RTCB: variants seen among roughly 807,000 people sequenced by gnomAD.
The protein encoded by RTCB is RNA-splicing ligase RTCB.
In RTCB, 32 loss-of-function variants were observed where a neutral mutation model predicts 58.2. That is an observed-to-expected ratio of 0.55 (90% CI 0.41 to 0.74). RTCB has a LOEUF of 0.74. Ranked by LOEUF, RTCB falls within the 30% of genes least tolerant of loss-of-function variation. The pLI, the probability that RTCB is intolerant of heterozygous loss-of-function variation, is 0.00. For synonymous variants in RTCB, 247 were observed against 218.6 expected, an observed-to-expected ratio of 1.13 and a Z score of -1.15; for missense variants, 523 against 639.0, an observed-to-expected ratio of 0.82 and a Z score of 1.96.
At chr22:32,388,805 A>G (rs1166338671) in intron 11 of RTCB, among the ~76,000 whole-genome samples, 2 of 151,782 alleles carry the variant, frequency 1.3e-5, no homozygotes, top group African/African-American at 4.8e-5. Flanking sequence ...TTTCTATCCC[A>G]TCTCCCATTC....
intron 1 of RTCB, among the ~76,000 whole-genome samples, chr22:32,409,738 T>C (rs895315929): frequency 6.6e-6 from 1 of 152,178 alleles, no homozygotes; most frequent in Non-Finnish European, 1.5e-5. Context: ...TGAAGCACTG[T>C]CCTGGGCACT....
intron 4 of RTCB, among the ~76,000 whole-genome samples, chr22:32,405,205 T>C (rs781553248): frequency 2.0e-5 from 3 of 152,216 alleles, no homozygotes; most frequent in Non-Finnish European, 4.4e-5. Context: ...TTCTAATGGA[T>C]GAGACATGTA....
chr22:32,400,850 T>G (rs1199633516), intron 5 of RTCB, among the ~76,000 whole-genome samples: 1 of 152,216 alleles, frequency 6.6e-6, no homozygotes, highest in Non-Finnish European at 1.5e-5. Flanking sequence ...ACTGAAGTAC[T>G]CTGCAAAGTT....
At chr22:32,397,154 A>T (rs1474115582) in intron 7 of RTCB, among the ~76,000 whole-genome samples, 1 of 152,152 alleles carries the variant, frequency 6.6e-6, no homozygotes, top group East Asian at 1.9e-4. Context: ...CTTCTTTAAA[A>T]GTTTCTTTTG....
rs1480747301 is a variant in RTCB, at chr22:32,401,917, A to G, written c.341-14T>C. The G allele has an allele frequency of 3.7e-6, 6 of 1,611,700 alleles. No individual in the cohort carries two copies. The highest frequency in any genetic ancestry group is 1.7e-5 in the Admixed American group (1 of 59,900). On this transcript the variant is annotated splice_polypyrimidine_tract_variant and intron_variant, in intron 4 of 11. Transcript: ENST00000216038. ...ACCCGACACCACCTACAAAATAGAG[A>G]AAAGTTAGCAAAACCAGCTGGTAAG...
In RTCB at chr22:32,393,951, C is replaced by T; in HGVS notation, c.1231G>A (p.Val411Ile). 6.2e-7 allele frequency: 1 copy of T among 1,614,170 alleles called. No individual in the cohort carries two copies. The highest frequency in any genetic ancestry group is 8.5e-7 in the Non-Finnish European group (1 of 1,180,014). Residue 411 changes from valine to isoleucine, a missense_variant, in exon 10 of 12, where the codon GTT (valine) becomes ATT (isoleucine). Val to Ile is a conservative substitution (Grantham distance 29). Coordinates refer to ENST00000216038, the MANE Select transcript of RTCB (RefSeq NM_014306.5). ...ATGCCCTGTTCAGTGCCAGTAAGAACATAACTACAGGTTCCCATGGTGCCA... is the reference window on the plus strand; with the variant it reads ...ATGCCCTGTTCAGTGCCAGTAAGAATATAACTACAGGTTCCCATGGTGCCA... ...IGGTMGTCSY[V>I]LTGTEQGMTE...
chr22:32,389,233 G>T lies in RTCB; in HGVS notation c.1411-1134C>A, dbSNP rs188114540. 2.6e-5 allele frequency among the ~76,000 whole-genome samples: 4 copies of T among 152,208 alleles called. No individual in the cohort carries two copies. In the East Asian group the frequency reaches 7.7e-4, roughly 29 times the overall value. ...ATGAAATTCCACTGGGCCAATGACTGTCTCTCCCCTAGATGAATATTTCAT... is the reference window on the plus strand; with the variant it reads ...ATGAAATTCCACTGGGCCAATGACTTTCTCTCCCCTAGATGAATATTTCAT... On this transcript the variant is annotated intron_variant, in intron 11 of 11. Coordinates refer to ENST00000216038, the MANE Select transcript of RTCB (RefSeq NM_014306.5).
intron 4 of RTCB, among the ~76,000 whole-genome samples, chr22:32,406,148 G>A (rs1014861052): frequency 6.6e-6 from 1 of 152,132 alleles, no homozygotes; most frequent in Non-Finnish European, 1.5e-5. Flanking sequence ...TTTGGTAGGA[G>A]CCTCCCAAAA....
In RTCB at chr22:32,387,922, G is replaced by T. The variant is rs896545515; in HGVS notation, c.*70C>A. On this transcript the variant is annotated 3_prime_UTR_variant, in exon 12 of 12. Transcript: ENST00000216038. Reference sequence around the variant, plus strand: ...TTGTCCCGCCTTGAGTCTGATGTCAGAAGAGCATGTCAGTCCACTTCCACT... The same window carrying T: ...TTGTCCCGCCTTGAGTCTGATGTCATAAGAGCATGTCAGTCCACTTCCACT... The T allele has an allele frequency of 1.9e-6, 2 of 1,029,366 alleles. No individual in the cohort carries two copies. Among genetic ancestry groups the T allele is most frequent in the Non-Finnish European group, 3.1e-6 (2 of 655,106 alleles). 63.8% of individuals were successfully genotyped at this position (1,029,366 alleles called of 1,614,324 possible). A position where few individuals can be genotyped will look rare whatever the true frequency, so the allele number is the denominator to read the frequency against.
intron 10 of RTCB, among the ~76,000 whole-genome samples, chr22:32,393,585 A>T (rs1933192656): frequency 6.6e-6 from 1 of 152,236 alleles, no homozygotes. Flanking sequence ...CATCAGTTAA[A>T]GTTCTATCAC....
intron 2 of RTCB, 134 bp from the exon 3 acceptor site, chr22:32,408,376 T>C (rs1933463754): frequency 1.4e-6 from 1 of 708,672 alleles, no homozygotes; most frequent in Non-Finnish European, 2.4e-6. Context: ...TAGAAGGATG[T>C]TTGAGATGCA....
intron 11 of RTCB, among the ~76,000 whole-genome samples, chr22:32,390,473 G>T (rs1377411459): frequency 3.3e-5 from 5 of 150,714 alleles, no homozygotes; most frequent in African/African-American, 1.2e-4. Flanking sequence ...TTTTGAGATG[G>T]AGTGTTGCTC....
rs755927372 is a variant in RTCB, at chr22:32,408,183, T to G, written c.232A>C (p.Ile78Leu). Residue 78 changes from isoleucine (I) to leucine (L), a missense_variant, in exon 3 of 12, where the codon ATT becomes CTT. Coordinates refer to ENST00000216038, the MANE Select transcript of RTCB (RefSeq NM_014306.5). ...QIGNVAALPG[I>L]VHRSIGLPDV... ...TCTGAACTCTGACTCACATGAACAA[T>G]TCCAGGCAGGGCTGCCACATTGCCA... The G allele has an allele frequency of 6.2e-7, 1 of 1,614,118 alleles. No homozygotes were observed. The highest frequency in any genetic ancestry group is 8.5e-7 in the Non-Finnish European group (1 of 1,179,962).
chr22:32,405,205 T>A (rs781553248), intron 4 of RTCB, among the ~76,000 whole-genome samples: 1 of 152,216 alleles, frequency 6.6e-6, no homozygotes, highest in Non-Finnish European at 1.5e-5. Flanking sequence ...TTCTAATGGA[T>A]GAGACATGTA....
At chr22:32,408,649 C>G in intron 2 of RTCB, 106 bp downstream of exon 2, 1 of 810,168 alleles carries the variant, frequency 1.2e-6, no homozygotes, top group Non-Finnish European at 2.1e-6. Flanking sequence ...AAGTTGTAAT[C>G]ACTCCTTGAC....
At chr22:32,392,504 T>G (rs1243149284) in intron 10 of RTCB, 145 bp from the exon 11 acceptor site, 1 of 1,052,028 alleles carries the variant, frequency 9.5e-7, no homozygotes, top group Non-Finnish European at 1.4e-6. Context: ...CCTCATCATA[T>G]CCTTTTAGAT....
Position 32,398,080 on chromosome 22 carries a change from G to A in RTCB, c.675C>T (p.Gly225=). ...GLPQLGTLGA[G]NHYAEIQVVD... ...CAACCTGGATTTCTGCATAATGGTT[G>A]CCTGCTCCCAGGGTCCCCAACTGCA... Residue 225 remains glycine, a synonymous_variant, in exon 7 of 12, where the codon GGC becomes GGT. Transcript: ENST00000216038. 1.2e-6 allele frequency: 2 copies of A among 1,613,656 alleles called. No individual in the cohort carries two copies. The highest frequency in any genetic ancestry group is 1.1e-5 in the South Asian group (1 of 90,980).
chr22:32,406,805 T>C (rs993776233), intron 3 of RTCB, 44 bp from the exon 4 acceptor site: 15 of 1,349,002 alleles, frequency 1.1e-5, no homozygotes, highest in Non-Finnish European at 1.5e-5. Context: ...CTTGACCTGC[T>C]ACCCTGGATG....
chr22:32,405,053 T>C (rs1933397476), intron 4 of RTCB, among the ~76,000 whole-genome samples: 1 of 152,098 alleles, frequency 6.6e-6, no homozygotes, highest in Admixed American at 6.5e-5. Context: ...CCAGAGACCC[T>C]GGGGTGGGGG....
Sources: allele counts gnomAD v4.1 joint callset (sites outside exome capture counted in the v4.1 genomes callset), GRCh38; gene constraint gnomAD v4.1.1; transcripts MANE v1.5; gene names NCBI Gene and HGNC (gene_info 2026-07-23, HGNC 2026-07-21).